Variants in BBS9 observed in about 807,000 individuals in gnomAD.
BBS9 encodes protein PTHB1.
A neutral mutation model predicts 117.7 loss-of-function variants in BBS9; 89 were observed. The observed-to-expected ratio is 0.76, with a 90% CI of 0.64 to 0.90. The LOEUF (loss-of-function observed/expected upper bound fraction) is 0.90, where lower values mean the gene tolerates loss of function less well. Ranked by LOEUF, BBS9 falls within the 40% of genes least tolerant of loss-of-function variation. The probability of loss-of-function intolerance (pLI) is 0.00; values close to 1 mark genes in which losing one functional copy is unlikely to be tolerated. For synonymous variants in BBS9, 379 were observed against 370.9 expected, an observed-to-expected ratio of 1.02 and a Z score of -0.25; for missense variants, 982 against 1,042.2, an observed-to-expected ratio of 0.94 and a Z score of 0.80.
intron 19 of BBS9, among the ~76,000 whole-genome samples, chr7:33,463,242 G>A (rs189894254): frequency 9.9e-5 from 15 of 152,176 alleles, no homozygotes; most frequent in Admixed American, 2.6e-4. Flanking sequence ...TTAGCGTCAC[G>A]TAGACCAAAA....
chr7:33,263,928 A>G (rs918806002), intron 6 of BBS9, among the ~76,000 whole-genome samples: 2 of 152,062 alleles, frequency 1.3e-5, no homozygotes, highest in African/African-American at 4.8e-5. Context: ...TTTCTACTCC[A>G]TCTGACTGCT....
intron 16 of BBS9, among the ~76,000 whole-genome samples, chr7:33,360,433 A>C (rs1009813748): frequency 6.6e-6 from 1 of 152,042 alleles, no homozygotes; most frequent in East Asian, 1.9e-4. Flanking sequence ...TAATATGCTT[A>C]ATAATTATAT....
intron 19 of BBS9, among the ~76,000 whole-genome samples, chr7:33,465,320 C>A (rs141684544): frequency 1.4e-3 from 207 of 149,074 alleles, no homozygotes; most frequent in African/African-American, 4.6e-3. Context: ...ATTTTATGAT[C>A]GTGTAAAATT....
chr7:33,469,140 A>T (rs1001792294), intron 19 of BBS9, among the ~76,000 whole-genome samples: 1 of 146,684 alleles, frequency 6.8e-6, no homozygotes, highest in African/African-American at 2.4e-5. Flanking sequence ...CCCATTCAGT[A>T]TATTGGTCGA....
intron 20 of BBS9, among the ~76,000 whole-genome samples, chr7:33,529,436 T>G (rs1471780250): frequency 1.3e-5 from 2 of 152,134 alleles, no homozygotes; most frequent in Non-Finnish European, 2.9e-5. Flanking sequence ...AAAGCCAAGG[T>G]CTGGAAACAA....
At chr7:33,177,078 TG>T (rs1562740313) in intron 4 of BBS9, among the ~76,000 whole-genome samples, 4 of 152,088 alleles carry the variant, frequency 2.6e-5, no homozygotes, top group Non-Finnish European at 4.4e-5. Flanking sequence ...TTGAAAGTGT[TG>T]GGGATTTTTT....
chr7:33,146,507 C>T, intron 2 of BBS9, 143 bp downstream of exon 2: 1 of 679,248 alleles, frequency 1.5e-6, no homozygotes, highest in Admixed American at 2.1e-5. Context: ...CGAGACCAGC[C>T]TGGCCAACAT....
At chr7:33,326,499 A>C (rs1812884496) in intron 9 of BBS9, among the ~76,000 whole-genome samples, 1 of 152,074 alleles carries the variant, frequency 6.6e-6, no homozygotes, top group South Asian at 2.1e-4. Flanking sequence ...GCTGGTACCT[A>C]AGCTGTAAGA....
intron 7 of BBS9, 79 bp downstream of exon 7, chr7:33,264,453 G>A (rs998277673): frequency 3.5e-6 from 3 of 856,716 alleles, no homozygotes; most frequent in Non-Finnish European, 5.4e-6. Context: ...TAATTCATGG[G>A]AAGAAAATGT....
At chr7:33,401,586 G>A (rs1057336987) in intron 19 of BBS9, among the ~76,000 whole-genome samples, 3 of 152,272 alleles carry the variant, frequency 2.0e-5, no homozygotes, top group African/African-American at 7.2e-5. Context: ...GGTCATAGGT[G>A]AATTCAAGGA....
chr7:33,491,527 T>A (rs954945608), intron 19 of BBS9, among the ~76,000 whole-genome samples: 2 of 152,202 alleles, frequency 1.3e-5, no homozygotes, highest in Non-Finnish European at 2.9e-5. Context: ...ATGTACCAAA[T>A]GGGATTTAAT....
chr7:33,253,652 C>T (rs185330571), intron 5 of BBS9, among the ~76,000 whole-genome samples: 9 of 152,262 alleles, frequency 5.9e-5, no homozygotes, highest in Admixed American at 3.9e-4. Flanking sequence ...CGTGTTTAAC[C>T]ATCTGGAGAT....
chr7:33,370,622 A>G (rs1218352669), intron 17 of BBS9, among the ~76,000 whole-genome samples: 2 of 152,208 alleles, frequency 1.3e-5, no homozygotes, highest in African/African-American at 4.8e-5. Context: ...TTCTGCGTGG[A>G]TGTCTATAAT....
rs1562672800 is a variant in BBS9 at position 33,146,377 on chromosome 7, C to A, written c.112+13C>A. ...GGAAATGGACAAGGTAAGCAACTTACAACCATACATCTTGGATGAAAGTTT... is the reference window on the plus strand; with the variant it reads ...GGAAATGGACAAGGTAAGCAACTTAAAACCATACATCTTGGATGAAAGTTT... On this transcript the variant is annotated intron_variant, in intron 2 of 22. Coordinates refer to ENST00000242067, the MANE Select transcript of BBS9 (RefSeq NM_198428.3). 4 of 1,580,648 alleles carry A rather than the reference C, an allele frequency of 2.5e-6. No individual in the cohort carries two copies. Among genetic ancestry groups the A allele is most frequent in the African/African-American group, 2.7e-5 (2 of 74,190 alleles).
chr7:33,139,541 C>G (rs1584095036), intron 1 of BBS9, among the ~76,000 whole-genome samples: 1 of 151,040 alleles, frequency 6.6e-6, no homozygotes, highest in South Asian at 2.1e-4. Flanking sequence ...ATTCAAACTC[C>G]AGCTTTGTCT....
chr7:33,598,870 T>A (rs553905906), intron 21 of BBS9, among the ~76,000 whole-genome samples: 1 of 152,174 alleles, frequency 6.6e-6, no homozygotes, highest in African/African-American at 2.4e-5. Context: ...TCCGTGAGCC[T>A]TAGATTAGGC....
At chr7:33,170,000 C>T (rs1796293365) in intron 4 of BBS9, among the ~76,000 whole-genome samples, 1 of 152,094 alleles carries the variant, frequency 6.6e-6, no homozygotes, top group African/African-American at 2.4e-5. Flanking sequence ...AAGGTGTAAT[C>T]ACAGCCGAAT....
intron 9 of BBS9, among the ~76,000 whole-genome samples, chr7:33,334,403 G>A (rs1416404824): frequency 3.3e-5 from 5 of 152,110 alleles, no homozygotes; most frequent in African/African-American, 1.2e-4. Context: ...GCCCCCCCCA[G>A]AGGTCTGCGC....
intron 21 of BBS9, among the ~76,000 whole-genome samples, chr7:33,546,462 G>A (rs1305501135): frequency 6.6e-6 from 1 of 151,984 alleles, no homozygotes; most frequent in Non-Finnish European, 1.5e-5. Flanking sequence ...TTACTTCTCT[G>A]CTTTAGAAGA....
Sources: allele counts gnomAD v4.1 joint callset (sites outside exome capture counted in the v4.1 genomes callset), GRCh38; gene constraint gnomAD v4.1.1; transcripts MANE v1.5; gene names NCBI Gene and HGNC (gene_info 2026-07-23, HGNC 2026-07-21).